Variants in USP6NL observed in about 807,000 individuals in gnomAD.
USP6NL encodes the protein USP6 N-terminal like.
USP6NL carries 26 observed loss-of-function variants against 61.9 expected under a neutral mutation model. The ratio of observed to expected loss-of-function variants is 0.42; its 90% confidence interval spans 0.31 to 0.58. The LOEUF is 0.58. Among genes scored for constraint, USP6NL ranks in the 20% least tolerant of loss-of-function variants. USP6NL has a pLI of 0.16. For synonymous variants in USP6NL, 432 were observed against 390.1 expected (o/e 1.11, Z -1.27); for missense variants, 1,114 against 1,034.3 (o/e 1.08, Z -1.06).
chr10:11,529,846 G>T (rs12244001), intron 2 of USP6NL, among the ~76,000 whole-genome samples: 2,213 of 152,224 alleles, frequency 0.015, 54 homozygotes, highest in African/African-American at 0.049. Context: ...GCTGGGTGTG[G>T]TGGCTCACTC....
chr10:11,569,211 A>T (rs1837273606), intron 2 of USP6NL, among the ~76,000 whole-genome samples: 2 of 152,230 alleles, frequency 1.3e-5, no homozygotes, highest in Admixed American at 6.5e-5. Flanking sequence ...GAAAACGATT[A>T]TCCACCTACA....
intron 2 of USP6NL, among the ~76,000 whole-genome samples, chr10:11,551,578 A>G (rs11257164): frequency 0.38 from 58,476 of 152,006 alleles, 12,107 homozygotes; most frequent in East Asian, 0.67. Flanking sequence ...TAAAGATACC[A>G]TCGCAGCGAT....
At position 11,528,128 on chromosome 10, in the gene USP6NL, GACACACACAC is replaced by G. The variant is rs142649349; in HGVS notation, c.5-571_5-562del. 4.9e-5 allele frequency among the ~76,000 whole-genome samples: 7 copies of G among 142,176 alleles called. No individual in the cohort carries two copies. Among genetic ancestry groups the G allele is most frequent in the African/African-American group, 1.0e-4 (4 of 38,392 alleles). 93.3% of individuals were successfully genotyped at this position (142,176 alleles called of 152,430 possible). A position where few individuals can be genotyped will look rare whatever the true frequency, so the allele number is the denominator to read the frequency against. ...ACATATGTGTGTGGACACACACACA[GACACACACAC>G]ACACACACACACACACACACACCCT... On this transcript the variant is annotated intron_variant, in intron 2 of 14. Transcript: ENST00000609104. This position sits in a 1 kb window ranked among gnomAD's most constrained non-coding sequence, Gnocchi z 4.6.
chr10:11,543,260 G>A (rs1185595015), intron 2 of USP6NL, among the ~76,000 whole-genome samples: 1 of 152,128 alleles, frequency 6.6e-6, no homozygotes, highest in East Asian at 1.9e-4. Flanking sequence ...CTATATAACT[G>A]GCCGGGAGCA....
At chr10:11,530,101 C>CAAAAAAAAA (rs900768943) in intron 2 of USP6NL, among the ~76,000 whole-genome samples, 1 of 72,012 alleles carries the variant, frequency 1.4e-5, no homozygotes, top group Non-Finnish European at 2.7e-5. Flanking sequence ...GACCCTGTCT[C>CAAAAAAAAA]AAAAAAAAAA....
Position 11,597,754 on chromosome 10 carries a change from TAG to T in USP6NL, c.-83-39_-83-38del. On this transcript the variant is annotated intron_variant, in intron 1 of 14. Transcript: ENST00000609104. The surrounding 1 kb of genome is among the most constrained non-coding windows in gnomAD (Gnocchi z 4.6). ...ACAAAGAGAAAGAAATAGTATTTTC[TAG>T]AGGTCAATATTTAAAATAAAGTTTT... is the stretch of plus-strand genomic sequence containing the variant. 1.4e-6 allele frequency: 1 copy of T among 705,720 alleles called. No individual in the cohort carries two copies. Among genetic ancestry groups the T allele is most frequent in the South Asian group, 1.9e-5 (1 of 52,110 alleles). The allele number at this position is 705,720 out of a possible 1,614,324, so 43.7% of individuals were successfully genotyped here.
intron 2 of USP6NL, among the ~76,000 whole-genome samples, chr10:11,542,974 T>C (rs913173490): frequency 2.0e-5 from 3 of 151,392 alleles, no homozygotes; most frequent in Admixed American, 1.3e-4. Context: ...GAAGTATATA[T>C]AGGAAAACAA....
intron 1 of USP6NL, among the ~76,000 whole-genome samples, chr10:11,599,895 G>A (rs900252115): frequency 2.0e-5 from 3 of 151,960 alleles, no homozygotes; most frequent in Non-Finnish European, 2.9e-5. Flanking sequence ...TCCTGACCTC[G>A]TGATCCACCC....
rs1836010166 is a variant in USP6NL at position 11,540,555 on chromosome 10, TAA to T, written c.5-12990_5-12989del. On this transcript the variant is annotated intron_variant, in intron 2 of 14. Transcript: ENST00000609104. This position sits in a 1 kb window ranked among gnomAD's most constrained non-coding sequence, Gnocchi z 5.0. ...GTATGTGCAGTTATATGCACTACAATAAAAGTTTGTGTTGAATTTGGCCCATA... is the reference window on the plus strand; with the variant it reads ...GTATGTGCAGTTATATGCACTACAATAAGTTTGTGTTGAATTTGGCCCATA... Among the ~76,000 whole-genome samples, 1 of 152,176 alleles carries T rather than the reference TAA, an allele frequency of 6.6e-6. No individual in the cohort carries two copies. Among genetic ancestry groups the T allele is most frequent in the South Asian group, 2.1e-4 (1 of 4,832 alleles).
chr10:11,481,269 T>C lies in USP6NL; in HGVS notation c.1078+501A>G, dbSNP rs952957679. Among the ~76,000 whole-genome samples, 1 of 152,092 alleles carries C rather than the reference T, an allele frequency of 6.6e-6. No individual in the cohort carries two copies. Among genetic ancestry groups the C allele is most frequent in the Non-Finnish European group, 1.5e-5 (1 of 68,032 alleles). On this transcript the variant is annotated intron_variant, in intron 14 of 14. Transcript: ENST00000609104. The surrounding 1 kb of genome is among the most constrained non-coding windows in gnomAD (Gnocchi z 4.4). ...TAGCATACTACAAAGAGCCCTGGGC[T>C]AGTAGTCAGAAAAACTGGCCTGCAG...
Position 11,532,071 on chromosome 10 carries a change from G to A in USP6NL, c.5-4504C>T, listed in dbSNP as rs1318917735. Reference sequence around the variant, plus strand: ...GAAAAATTCATACAAAGTTACTAAGGTTCATTTCCAATAAAATAAAATTTA... The same window carrying A: ...GAAAAATTCATACAAAGTTACTAAGATTCATTTCCAATAAAATAAAATTTA... On this transcript the variant is annotated intron_variant, in intron 2 of 14. Transcript: ENST00000609104. The surrounding 1 kb of genome is among the most constrained non-coding windows in gnomAD (Gnocchi z 4.1). The A allele has an allele frequency of 6.2e-6, 5 of 806,564 alleles. No individual in the cohort carries two copies. In the East Asian group the frequency reaches 1.1e-4, roughly 18 times the overall value. The allele number at this position is 806,564 out of a possible 1,614,324, so 50.0% of individuals were successfully genotyped here.
At chr10:11,565,924 A>C (rs1837133769) in intron 2 of USP6NL, among the ~76,000 whole-genome samples, 1 of 138,306 alleles carries the variant, frequency 7.2e-6, no homozygotes, top group Admixed American at 7.3e-5. Flanking sequence ...CAAATATTGA[A>C]GATTCTTACT....
intron 2 of USP6NL, among the ~76,000 whole-genome samples, chr10:11,544,544 G>C (rs574121882): frequency 4.6e-5 from 7 of 152,012 alleles, no homozygotes; most frequent in African/African-American, 1.7e-4. Flanking sequence ...CTGGAGTGCA[G>C]TTGCACGATC....
At chr10:11,544,970 G>T (rs567910427) in intron 2 of USP6NL, among the ~76,000 whole-genome samples, 1 of 152,208 alleles carries the variant, frequency 6.6e-6, no homozygotes, top group African/African-American at 2.4e-5. Context: ...AAAACACAGG[G>T]CAAGGCTCAG....
Position 11,542,963 on chromosome 10 carries a change from AGAAGTATATATAG to A in USP6NL, c.5-15409_5-15397del, listed in dbSNP as rs543930577. 2.2e-3 allele frequency among the ~76,000 whole-genome samples: 336 copies of A among 152,318 alleles called. 1 individual carries two copies. The highest frequency in any genetic ancestry group is 6.0e-3 in the Admixed American group (91 of 15,288). On this transcript the variant is annotated intron_variant, in intron 2 of 14. Coordinates refer to ENST00000609104, the MANE Select transcript of USP6NL (RefSeq NM_014688.5). ...CAACTGGGTAATCTACCGCAGGAGC[AGAAGTATATATAG>A]GAAAACAAGAAAAATATTTAGGGAT...
chr10:11,580,863 T>C (rs1320774392), intron 2 of USP6NL, among the ~76,000 whole-genome samples: 1 of 128,032 alleles, frequency 7.8e-6, no homozygotes, highest in Non-Finnish European at 1.7e-5. Flanking sequence ...GACGAACGGA[T>C]AGATGATGGA....
chr10:11,576,086 CA>C (rs1837533719), intron 2 of USP6NL, among the ~76,000 whole-genome samples: 1 of 146,746 alleles, frequency 6.8e-6, no homozygotes. Flanking sequence ...TCTAACACTT[CA>C]GGAAAAAAAA....
intron 14 of USP6NL, among the ~76,000 whole-genome samples, chr10:11,469,059 C>T (rs572026145): frequency 5.3e-5 from 8 of 152,272 alleles, no homozygotes; most frequent in Middle Eastern, 3.4e-3. Context: ...CTACACATCA[C>T]ACATCTATGC....
rs1833538640 is a variant in USP6NL, at chr10:11,487,904, A to G, written c.664+1198T>C. On this transcript the variant is annotated intron_variant, in intron 10 of 14. Transcript: ENST00000609104. The surrounding 1 kb of genome is among the most constrained non-coding windows in gnomAD (Gnocchi z 4.2). ...AAGTCATAATTTTGAAAATATTAAA[A>G]CAGTACTTTAAATATATAGCAGGTT... Among the ~76,000 whole-genome samples the G allele has an allele frequency of 6.6e-6, 1 of 152,210 alleles. No individual in the cohort carries two copies. The highest frequency in any genetic ancestry group is 1.5e-5 in the Non-Finnish European group (1 of 68,038).
Sources: gnomAD v4.1 joint callset for allele counts (sites outside exome capture counted in the v4.1 genomes callset) on GRCh38, gnomAD v4.1.1 for gene constraint, Gnocchi (gnomAD v3.1) non-coding constraint, MANE v1.5 for transcripts, NCBI Gene and HGNC (gene_info 2026-07-23, HGNC 2026-07-21) for gene names.